MARCHF8: variants seen among roughly 807,000 people sequenced by gnomAD.
The protein encoded by MARCHF8 is E3 ubiquitin-protein ligase MARCHF8.
Under a neutral mutation model 51.6 loss-of-function variants are expected in MARCHF8, and 40 were observed. That is an observed-to-expected ratio of 0.77 (90% confidence interval 0.60 to 1.01). MARCHF8 has a LOEUF of 1.01. MARCHF8 is among the 50% of genes least tolerant of loss of function. The pLI is 0.00. For missense variants in MARCHF8, 685 were observed against 708.6 expected (o/e 0.97, Z 0.38); for synonymous variants, 263 against 280.3 (o/e 0.94, Z 0.62).
intron 1 of MARCHF8, among the ~76,000 whole-genome samples, chr10:45,540,544 C>G (rs2044038197): frequency 6.6e-6 from 1 of 152,140 alleles, no homozygotes; most frequent in African/African-American, 2.4e-5. Flanking sequence ...AAAGGAATGG[C>G]AACAAAAGCC....
chr10:45,470,109 C>T (rs1203399025), intron 3 of MARCHF8, among the ~76,000 whole-genome samples: 2 of 152,100 alleles, frequency 1.3e-5, no homozygotes, highest in Non-Finnish European at 2.9e-5. Flanking sequence ...CATTTGCCAC[C>T]CATATAAGAG....
chr10:45,491,153 A>C (rs2133092518), intron 2 of MARCHF8, among the ~76,000 whole-genome samples: 1 of 152,342 alleles, frequency 6.6e-6, no homozygotes, highest in South Asian at 2.1e-4. Flanking sequence ...TGAGCTTCTC[A>C]AAGGACTGGA....
chr10:45,464,361 A>G (rs775953294), intron 3 of MARCHF8, 34 bp from the exon 4 acceptor site: 1 of 1,583,878 alleles, frequency 6.3e-7, no homozygotes, highest in Admixed American at 1.7e-5. Flanking sequence ...GTGTTCAGGT[A>G]AGAGCCAAGG....
At chr10:45,515,546 T>G (rs924853894) in intron 2 of MARCHF8, among the ~76,000 whole-genome samples, 1 of 152,230 alleles carries the variant, frequency 6.6e-6, no homozygotes, top group African/African-American at 2.4e-5. Context: ...TTTTATAAAC[T>G]TCTAGTTCCT....
At chr10:45,476,813 T>C (rs143920137) in intron 3 of MARCHF8, among the ~76,000 whole-genome samples, 1 of 151,762 alleles carries the variant, frequency 6.6e-6, no homozygotes, top group African/African-American at 2.4e-5. Context: ...GACAAAAAAA[T>C]TTAAAAAAGG....
intron 2 of MARCHF8, among the ~76,000 whole-genome samples, chr10:45,508,699 A>C (rs2043435196): frequency 6.6e-6 from 1 of 152,228 alleles, no homozygotes; most frequent in Non-Finnish European, 1.5e-5. Context: ...TTATTGGTAC[A>C]TAATATCTAG....
chr10:45,505,313 C>T (rs35394192), intron 2 of MARCHF8, among the ~76,000 whole-genome samples: 9,382 of 152,276 alleles, frequency 0.062, 332 homozygotes, highest in Non-Finnish European at 0.067. Flanking sequence ...TAGACACTAT[C>T]CTAAAACAAT....
At chr10:45,500,882 T>C (rs1156559969) in intron 2 of MARCHF8, among the ~76,000 whole-genome samples, 1 of 151,830 alleles carries the variant, frequency 6.6e-6, no homozygotes, top group African/African-American at 2.4e-5. Flanking sequence ...TATACATATA[T>C]ATAACACACA....
At chr10:45,507,074 A>G (rs1159762218) in intron 2 of MARCHF8, among the ~76,000 whole-genome samples, 1 of 152,224 alleles carries the variant, frequency 6.6e-6, no homozygotes, top group Non-Finnish European at 1.5e-5. Context: ...TTGCTAAAAC[A>G]GTGGCATGCA....
intron 2 of MARCHF8, among the ~76,000 whole-genome samples, chr10:45,500,381 G>A (rs1185748968): frequency 6.6e-6 from 1 of 152,084 alleles, no homozygotes; most frequent in Admixed American, 6.5e-5. Flanking sequence ...CATATGTAAA[G>A]AGATAATTTT....
chr10:45,541,177 C>A (rs1479710381), intron 1 of MARCHF8, among the ~76,000 whole-genome samples: 2 of 152,158 alleles, frequency 1.3e-5, no homozygotes, highest in African/African-American at 4.8e-5. Context: ...ACCCAAATGT[C>A]CAACAATGAT....
At chr10:45,591,047 A>G (rs2044675015) in intron 1 of MARCHF8, among the ~76,000 whole-genome samples, 1 of 152,176 alleles carries the variant, frequency 6.6e-6, no homozygotes, top group Non-Finnish European at 1.5e-5. Context: ...CCCACCCTTG[A>G]GAATGTACTT....
intron 2 of MARCHF8, among the ~76,000 whole-genome samples, chr10:45,511,285 C>A (rs925817189): frequency 1.3e-5 from 2 of 152,012 alleles, no homozygotes; most frequent in African/African-American, 4.8e-5. Context: ...ATAATGTATC[C>A]AATAAATACA....
At chr10:45,556,686 G>A (rs980414007) in intron 1 of MARCHF8, among the ~76,000 whole-genome samples, 5 of 152,162 alleles carry the variant, frequency 3.3e-5, no homozygotes, top group African/African-American at 1.2e-4. Context: ...GAGGCATCTG[G>A]GGGTCAAGTC....
intron 3 of MARCHF8, among the ~76,000 whole-genome samples, chr10:45,468,282 C>G (rs73285365): frequency 0.025 from 3,736 of 152,274 alleles, 156 homozygotes; most frequent in African/African-American, 0.084. Context: ...CTGAGAGTGC[C>G]TGCTGTCGCT....
At chr10:45,557,745 C>T (rs1040133447) in intron 1 of MARCHF8, among the ~76,000 whole-genome samples, 12 of 152,108 alleles carry the variant, frequency 7.9e-5, no homozygotes, top group Admixed American at 5.2e-4. Flanking sequence ...GGAGGCCACA[C>T]GGGCTGCAGA....
At chr10:45,471,986 A>T (rs2042699766) in intron 3 of MARCHF8, among the ~76,000 whole-genome samples, 1 of 152,236 alleles carries the variant, frequency 6.6e-6, no homozygotes, top group Admixed American at 6.5e-5. Flanking sequence ...GCTTCTGCTC[A>T]GGCTACTCAT....
At chr10:45,504,986 T>A (rs1416237386) in intron 2 of MARCHF8, among the ~76,000 whole-genome samples, 1 of 152,196 alleles carries the variant, frequency 6.6e-6, no homozygotes, top group Non-Finnish European at 1.5e-5. Flanking sequence ...GACATAAATT[T>A]CATTTTATTG....
At chr10:45,487,910 GCTGAAT>G (rs988135855) in intron 3 of MARCHF8, among the ~76,000 whole-genome samples, 3 of 152,028 alleles carry the variant, frequency 2.0e-5, no homozygotes, top group Admixed American at 2.0e-4. Flanking sequence ...AATCCTCCCA[GCTGAAT>G]CTGTGGTGTG....
Sources: allele counts gnomAD v4.1 joint callset (sites outside exome capture counted in the v4.1 genomes callset), GRCh38; gene constraint gnomAD v4.1.1; transcripts MANE v1.5; gene names NCBI Gene and HGNC (gene_info 2026-07-23, HGNC 2026-07-21).